Variants in RPL36 observed in about 807,000 individuals in gnomAD.
RPL36 encodes large ribosomal subunit protein eL36.
For missense variants in RPL36, 131 were observed against 144.9 expected (o/e 0.90, Z 0.49); for synonymous variants, 74 against 56.0 (o/e 1.32, Z -1.44).
In RPL36 at chr19:5,691,798, C is replaced by A; in HGVS notation, c.*177C>A. The stretch of plus-strand genomic sequence containing the variant: ...TCGTGAATCAAAAGCCGTGGCCCGC[C>A]CACCCTTCCCGGGGCAGCAGGTGAG... On this transcript the variant is annotated 3_prime_UTR_variant, in exon 4 of 4. Coordinates refer to ENST00000347512, the MANE Select transcript of RPL36 (RefSeq NM_033643.3). The A allele has an allele frequency of 1.2e-6, 1 of 856,462 alleles. No homozygotes were observed. Among genetic ancestry groups the A allele is most frequent in the Non-Finnish European group, 1.8e-6 (1 of 548,864 alleles). The allele number at this position is 856,462 out of a possible 1,614,324, so 53.1% of individuals were successfully genotyped here. A position where few individuals can be genotyped will look rare whatever the true frequency, so the allele number is the denominator to read the frequency against.
At chr19:5,690,678 C>A in intron 2 of RPL36, 78 bp downstream of exon 2, 1 of 1,195,122 alleles carries the variant, frequency 8.4e-7, no homozygotes, top group Non-Finnish European at 1.2e-6. Context: ...AGGCTCTCGA[C>A]CTGAAAGAAC....
In RPL36 at chr19:5,691,319, C is replaced by T. The variant is rs1355043550; in HGVS notation, c.94C>T (p.Arg32Cys). The change falls in exon 3 of 4, where the codon CGT becomes TGT. Residue 32 changes from arginine (R) to cysteine (C), a missense_variant and splice_region_variant. Coordinates refer to ENST00000347512, the MANE Select transcript of RPL36 (RefSeq NM_033643.3). ...TGACGGCCGCCCCTTTCCCCCCTAG[C>T]GTCTGACCAAACACACCAAGTTCGT... ...SKPRHSRRRG[R>C]LTKHTKFVRD... The T allele has an allele frequency of 4.3e-6, 7 of 1,612,572 alleles. No homozygotes were observed. Among genetic ancestry groups the T allele is most frequent in the South Asian group, 1.1e-5 (1 of 91,008 alleles).
In RPL36 at chr19:5,691,791, G is replaced by T; in HGVS notation, c.*170G>T. ...TGCCTGGTCGTGAATCAAAAGCCGT[G>T]GCCCGCCCACCCTTCCCGGGGCAGC... On this transcript the variant is annotated 3_prime_UTR_variant, in exon 4 of 4. Coordinates refer to ENST00000347512, the MANE Select transcript of RPL36 (RefSeq NM_033643.3). 1.1e-6 allele frequency: 1 copy of T among 887,866 alleles called. No individual in the cohort carries two copies. The highest frequency in any genetic ancestry group is 1.7e-6 in the Non-Finnish European group (1 of 572,032). 55.0% of individuals were successfully genotyped at this position (887,866 alleles called of 1,614,324 possible).
intron 2 of RPL36, chr19:5,690,844 G>A (rs946463970): frequency 1.0e-5 from 6 of 591,724 alleles, no homozygotes; most frequent in Middle Eastern, 3.4e-4. Context: ...AGAGCGGCGC[G>A]GGGCAGCGGG....
rs368211799 is a variant in RPL36, at chr19:5,690,475, C to T, written c.-2-31C>T. The T allele has an allele frequency of 9.0e-5, 135 of 1,508,058 alleles. No individual in the cohort carries two copies. The Middle Eastern group carries it at 1.6e-3, about 18-fold the overall frequency. 93.4% of individuals were successfully genotyped at this position (1,508,058 alleles called of 1,614,324 possible). ...CCTCGGGAACTGAGCCGGTACTCAC[C>T]TCCGCCCCTTCTCCCCGTCGCTGTC... On this transcript the variant is annotated intron_variant, in intron 1 of 3. Transcript: ENST00000347512.
Position 5,690,300 on chromosome 19 carries a change from C to A in RPL36, c.-30C>A. On this transcript the variant is annotated 5_prime_UTR_variant, in exon 1 of 4. Transcript: ENST00000347512. ...GAGTTCCGCGCGGCGCCAGCCCTTC[C>A]GCCACGGCCGTCTCTGGAGAGCAGC... The A allele has an allele frequency of 1.6e-6, 1 of 614,068 alleles. No individual in the cohort carries two copies. The allele number at this position is 614,068 out of a possible 1,614,324, so 38.0% of individuals were successfully genotyped here.
At position 5,691,801 on chromosome 19, in the gene RPL36, C is replaced by A; in HGVS notation, c.*180C>A. On this transcript the variant is annotated 3_prime_UTR_variant, in exon 4 of 4. Coordinates refer to ENST00000347512, the MANE Select transcript of RPL36 (RefSeq NM_033643.3). Reference sequence around the variant, plus strand: ...TGAATCAAAAGCCGTGGCCCGCCCACCCTTCCCGGGGCAGCAGGTGAGGAA... The same window carrying A: ...TGAATCAAAAGCCGTGGCCCGCCCAACCTTCCCGGGGCAGCAGGTGAGGAA... 2 of 850,246 alleles carry A rather than the reference C, an allele frequency of 2.4e-6. No homozygotes were observed. The highest frequency in any genetic ancestry group is 3.3e-5 in the South Asian group (2 of 61,478). The allele number at this position is 850,246 out of a possible 1,614,324, so 52.7% of individuals were successfully genotyped here.
rs997663862 is a variant in RPL36 at position 5,690,702 on chromosome 19, C to G, written c.93+102C>G. The G allele has an allele frequency of 4.2e-6, 4 of 944,382 alleles. No homozygotes were observed. In the Admixed American group the frequency reaches 8.1e-5, roughly 19 times the overall value. 58.5% of individuals were successfully genotyped at this position (944,382 alleles called of 1,614,324 possible). Reference sequence around the variant, plus strand: ...ACCTGAAAGAACGCGCGTTCGGGCGCAGAACTAAGGGGGGCTTGAATGGAA... The same window carrying G: ...ACCTGAAAGAACGCGCGTTCGGGCGGAGAACTAAGGGGGGCTTGAATGGAA... On this transcript the variant is annotated intron_variant, in intron 2 of 3. Coordinates refer to ENST00000347512, the MANE Select transcript of RPL36 (RefSeq NM_033643.3).
chr19:5,690,308 C>T lies in RPL36; in HGVS notation c.-22C>T, dbSNP rs74174337. On this transcript the variant is annotated 5_prime_UTR_variant, in exon 1 of 4. Coordinates refer to ENST00000347512, the MANE Select transcript of RPL36 (RefSeq NM_033643.3). ...CGCGGCGCCAGCCCTTCCGCCACGG[C>T]CGTCTCTGGAGAGCAGCAGGTAAGT... 2 of 619,020 alleles carry T rather than the reference C, an allele frequency of 3.2e-6. No individual in the cohort carries two copies. The highest frequency in any genetic ancestry group is 2.8e-5 in the East Asian group (1 of 35,922). The allele number at this position is 619,020 out of a possible 1,614,324, so 38.3% of individuals were successfully genotyped here.
At chr19:5,691,065 A>T (rs576271000) in intron 2 of RPL36, 4 of 586,876 alleles carry the variant, frequency 6.8e-6, no homozygotes, top group Non-Finnish European at 1.2e-5. Context: ...CAGGTGTGTC[A>T]GTGTATTGGG....
chr19:5,691,734 T>C lies in RPL36; in HGVS notation c.*113T>C. 1 of 1,158,788 alleles carries C rather than the reference T, an allele frequency of 8.6e-7. No homozygotes were observed. 71.8% of individuals were successfully genotyped at this position (1,158,788 alleles called of 1,614,324 possible). Reference sequence around the variant, plus strand: ...CGGGGGCCCGCAGTCCCCTGTCTGGTGCCCGCTCTGAGCCACACCCTCTCC... The same window carrying C: ...CGGGGGCCCGCAGTCCCCTGTCTGGCGCCCGCTCTGAGCCACACCCTCTCC... On this transcript the variant is annotated 3_prime_UTR_variant, in exon 4 of 4. Transcript: ENST00000347512.
intron 2 of RPL36, chr19:5,691,064 C>T: frequency 3.4e-6 from 2 of 586,260 alleles, no homozygotes; most frequent in Non-Finnish European, 6.1e-6. Context: ...TCAGGTGTGT[C>T]AGTGTATTGG....
rs752469548 is a variant in RPL36, at chr19:5,691,429, G to A, written c.204G>A (p.Arg68=). Residue 68 remains arginine, a synonymous_variant, in exon 3 of 4, where the codon CGG becomes CGA. Transcript: ENST00000347512. ...MELLKVSKDK[R]ALKFIKKRVG... is the part of the protein sequence containing the mutation. Reference sequence around the variant, plus strand: ...TACTGAAGGTCTCCAAGGACAAACGGGCCCTCAAATTTATCAAGAAAAGGG... The same window carrying A: ...TACTGAAGGTCTCCAAGGACAAACGAGCCCTCAAATTTATCAAGAAAAGGG... 2.5e-6 allele frequency: 4 copies of A among 1,614,034 alleles called. No homozygotes were observed. The highest frequency in any genetic ancestry group is 2.2e-5 in the South Asian group (2 of 91,082).
intron 2 of RPL36, 62 bp from the exon 3 acceptor site, chr19:5,691,257 G>A (rs749749763): frequency 8.1e-5 from 130 of 1,608,776 alleles, no homozygotes; most frequent in Non-Finnish European, 1.1e-4. Context: ...CAGCGCGAGA[G>A]AAGCTGCTTA....
intron 2 of RPL36, 40 bp downstream of exon 2, chr19:5,690,640 T>G (rs1158621993): frequency 2.5e-5 from 37 of 1,493,358 alleles, no homozygotes; most frequent in Non-Finnish European, 3.4e-5. Flanking sequence ...GGGGGTTTCT[T>G]GGAGGGCGGA....
chr19:5,690,667 A>G lies in RPL36; in HGVS notation c.93+67A>G. The stretch of plus-strand genomic sequence containing the variant: ...GAGGGCGGAGGGCATGGCTTGGGCA[A>G]AGGCTCTCGACCTGAAAGAACGCGC... On this transcript the variant is annotated intron_variant, in intron 2 of 3. Transcript: ENST00000347512. 3.1e-6 allele frequency: 4 copies of G among 1,302,696 alleles called. No individual in the cohort carries two copies. In the South Asian group the frequency reaches 5.1e-5, roughly 16 times the overall value. 80.7% of individuals were successfully genotyped at this position (1,302,696 alleles called of 1,614,324 possible).
chr19:5,690,956 C>CT, intron 2 of RPL36: 1 of 526,354 alleles, frequency 1.9e-6, no homozygotes, highest in Non-Finnish European at 3.4e-6. Flanking sequence ...TATTGGGCGC[C>CT]TTTATTAAGC....
chr19:5,691,074 G>C (rs2054811296), intron 2 of RPL36: 1 of 596,286 alleles, frequency 1.7e-6, no homozygotes, highest in Non-Finnish European at 3.0e-6. Flanking sequence ...CAGTGTATTG[G>C]GCGCCTTTAT....
At position 5,691,860 on chromosome 19, in the gene RPL36, T is replaced by C. The variant is rs1024573843; in HGVS notation, c.*239T>C. 11 of 815,622 alleles carry C rather than the reference T, an allele frequency of 1.3e-5. No individual in the cohort carries two copies. The highest frequency in any genetic ancestry group is 7.4e-4 in the Middle Eastern group (2 of 2,700). 50.5% of individuals were successfully genotyped at this position (815,622 alleles called of 1,614,324 possible). ...ACTGCAAATGACTTTAATCATTAAA[T>C]AGCTTCTATGCCACACTCTGATTAA... On this transcript the variant is annotated 3_prime_UTR_variant, in exon 4 of 4. Transcript: ENST00000347512.
Sources: gnomAD v4.1 joint callset for allele counts on GRCh38, gnomAD v4.1.1 for gene constraint, MANE v1.5 for transcripts, NCBI Gene and HGNC (gene_info 2026-07-23, HGNC 2026-07-21) for gene names.